The following PPFIA2 variants were observed in gnomAD, a reference collection of about 807,000 sequenced individuals.
The protein encoded by PPFIA2 is PPFI scaffold protein A2, also known as liprin-alpha-2.
Under a neutral mutation model 175.5 loss-of-function variants are expected in PPFIA2, and 46 were observed. The observed-to-expected ratio is 0.26, with a 90% confidence interval of 0.21 to 0.34. The LOEUF is 0.34. Among genes scored for constraint, PPFIA2 ranks in the 10% least tolerant of loss-of-function variants. PPFIA2 has a pLI of 1.00. For synonymous variants in PPFIA2, 568 were observed against 511.4 expected, an observed-to-expected ratio of 1.11 and a Z score of -1.49; for missense variants, 1,179 against 1,506.1, an observed-to-expected ratio of 0.78 and a Z score of 3.60.
chr12:81,618,095 C>G (rs1181626937), intron 4 of PPFIA2, among the ~76,000 whole-genome samples: 1 of 152,150 alleles, frequency 6.6e-6, no homozygotes, highest in Non-Finnish European at 1.5e-5. Context: ...ATGGTTCCCT[C>G]CACCAGTTAA....
chr12:81,517,636 A>G (rs2062625791), intron 4 of PPFIA2, among the ~76,000 whole-genome samples: 1 of 152,130 alleles, frequency 6.6e-6, no homozygotes, highest in Non-Finnish European at 1.5e-5. Context: ...TTGCAAGAGA[A>G]TCTTGAAGAT....
At chr12:81,523,642 T>C (rs2063412633) in intron 4 of PPFIA2, among the ~76,000 whole-genome samples, 1 of 152,176 alleles carries the variant, frequency 6.6e-6, no homozygotes, top group Non-Finnish European at 1.5e-5. Context: ...ACTACCCTTC[T>C]CATTCCTGGG....
intron 4 of PPFIA2, among the ~76,000 whole-genome samples, chr12:81,565,527 G>A (rs556536333): frequency 2.6e-5 from 4 of 152,106 alleles, no homozygotes; most frequent in Non-Finnish European, 4.4e-5. Flanking sequence ...TACCTAATTC[G>A]TTCTGTCCCT....
At chr12:81,431,578 C>T (rs1253056983) in intron 7 of PPFIA2, among the ~76,000 whole-genome samples, 1 of 151,982 alleles carries the variant, frequency 6.6e-6, no homozygotes. Context: ...TTTATATTTG[C>T]CATTACTAAA....
chr12:81,332,293 T>C (rs1173564768), intron 21 of PPFIA2, among the ~76,000 whole-genome samples: 10 of 152,114 alleles, frequency 6.6e-5, no homozygotes, highest in Admixed American at 3.3e-4. Flanking sequence ...TAAGCTGGCA[T>C]CACACTTCTG....
At chr12:81,332,713 A>G (rs1332362302) in intron 21 of PPFIA2, among the ~76,000 whole-genome samples, 1 of 152,156 alleles carries the variant, frequency 6.6e-6, no homozygotes, top group Admixed American at 6.5e-5. Flanking sequence ...TAGGAACTCA[A>G]TGAAGTATTT....
chr12:81,326,399 T>C (rs2054767016), intron 21 of PPFIA2, among the ~76,000 whole-genome samples: 1 of 152,190 alleles, frequency 6.6e-6, no homozygotes, highest in African/African-American at 2.4e-5. Context: ...GGAAATTTGT[T>C]CTGCTCTACT....
chr12:81,523,329 A>C (rs2063369234), intron 4 of PPFIA2, among the ~76,000 whole-genome samples: 1 of 151,138 alleles, frequency 6.6e-6, no homozygotes. Flanking sequence ...TCTTCCTTAG[A>C]ATTGACCACC....
At chr12:81,455,972 G>C (rs2053508482) in intron 5 of PPFIA2, among the ~76,000 whole-genome samples, 1 of 152,172 alleles carries the variant, frequency 6.6e-6, no homozygotes, top group Non-Finnish European at 1.5e-5. Context: ...AAAAAGGCTA[G>C]ATGAACCTAC....
intron 4 of PPFIA2, among the ~76,000 whole-genome samples, chr12:81,522,432 A>T (rs2063265654): frequency 6.6e-6 from 1 of 152,216 alleles, no homozygotes; most frequent in Non-Finnish European, 1.5e-5. Flanking sequence ...ACTCTCTGAA[A>T]AAAAAAGTTC....
At chr12:81,645,019 ATTC>A in intron 4 of PPFIA2, among the ~76,000 whole-genome samples, 1 of 152,064 alleles carries the variant, frequency 6.6e-6, no homozygotes, top group East Asian at 1.9e-4. Flanking sequence ...TGGAACAGAA[ATTC>A]TTCTCTGGAA....
chr12:81,651,521 CTCTT>C (rs1002571453), intron 4 of PPFIA2, among the ~76,000 whole-genome samples: 7 of 152,084 alleles, frequency 4.6e-5, no homozygotes, highest in Non-Finnish European at 8.8e-5. Context: ...TTACTACTCT[CTCTT>C]TCCCTCTACT....
intron 7 of PPFIA2, chr12:81,430,104 A>G (rs2047832314): frequency 6.6e-6 from 1 of 152,154 alleles, no homozygotes; most frequent in Non-Finnish European, 1.5e-5. Context: ...TCCTTCCTCC[A>G]TTTCTCAGAG....
chr12:81,381,222 T>A (rs1256992251), intron 9 of PPFIA2, among the ~76,000 whole-genome samples: 1 of 152,064 alleles, frequency 6.6e-6, no homozygotes, highest in African/African-American at 2.4e-5. Flanking sequence ...AATATATACA[T>A]AGAAACGATG....
chr12:81,638,426 T>C (rs1188782290), intron 4 of PPFIA2, among the ~76,000 whole-genome samples: 1 of 151,938 alleles, frequency 6.6e-6, no homozygotes, highest in African/African-American at 2.4e-5. Flanking sequence ...GATAAAGAGA[T>C]AAGTTTATCT....
intron 28 of PPFIA2, chr12:81,270,925 T>C (rs1462825109): frequency 1.3e-5 from 2 of 152,266 alleles, no homozygotes; most frequent in African/African-American, 4.8e-5. Flanking sequence ...TTTCCTTCTA[T>C]TATTTGAAAA....
intron 2 of PPFIA2, among the ~76,000 whole-genome samples, chr12:81,755,888 CTACTGT>C (rs1440480218): frequency 2.0e-5 from 3 of 152,114 alleles, no homozygotes; most frequent in Non-Finnish European, 4.4e-5. Flanking sequence ...ACACTTGATA[CTACTGT>C]TACACACTTA....
At chr12:81,665,419 A>T (rs2069978842) in intron 4 of PPFIA2, among the ~76,000 whole-genome samples, 1 of 151,992 alleles carries the variant, frequency 6.6e-6, no homozygotes. Context: ...CATAAACTTA[A>T]CTTTTAGGTC....
intron 4 of PPFIA2, among the ~76,000 whole-genome samples, chr12:81,507,571 T>A (rs2061316527): frequency 1.3e-5 from 2 of 152,180 alleles, no homozygotes; most frequent in African/African-American, 4.8e-5. Flanking sequence ...TATTTTTTAT[T>A]CAGTTTGTTA....
Sources: allele counts gnomAD v4.1 joint callset (sites outside exome capture counted in the v4.1 genomes callset), GRCh38; gene constraint gnomAD v4.1.1; transcripts MANE v1.5; gene names NCBI Gene and HGNC (gene_info 2026-07-23, HGNC 2026-07-21).